The following CARS1 variants were observed in gnomAD, a reference collection of about 807,000 sequenced individuals.
The protein encoded by CARS1 is cysteine--tRNA ligase, cytoplasmic.
CARS1 carries 48 observed loss-of-function variants against 106.2 expected under a neutral mutation model. The observed-to-expected ratio is 0.45, with a 90% confidence interval of 0.36 to 0.57. The LOEUF (loss-of-function observed/expected upper bound fraction) is 0.57. Among genes scored for constraint, CARS1 ranks in the 20% least tolerant of loss-of-function variants. The pLI is 0.00. For missense variants in CARS1, 968 were observed against 1,057.2 expected, an observed-to-expected ratio of 0.92 and a Z score of 1.17; for synonymous variants, 409 against 403.4, an observed-to-expected ratio of 1.01 and a Z score of -0.17.
At position 3,050,598 on chromosome 11, in the gene CARS1, C is replaced by T. The variant is rs1855571742; in HGVS notation, c.26-2597G>A. On this transcript the variant is annotated intron_variant, in intron 1 of 22. Transcript: ENST00000380525. The surrounding 1 kb of genome is among the most constrained non-coding windows in gnomAD (Gnocchi z 6.3). ...GGCCCTGCTGAAAAGCGCACGTTCA[C>T]ATTACTGCCCCCAACACCCACCTCG... 6.6e-6 allele frequency among the ~76,000 whole-genome samples: 1 copy of T among 152,234 alleles called. No individual in the cohort carries two copies. The highest frequency in any genetic ancestry group is 2.4e-5 in the African/African-American group (1 of 41,460).
rs1386487778 is a variant in CARS1 at position 3,044,631 on chromosome 11, G to A, written c.275-2375C>T. ...AGGCTGGTCTCAAACTCCTGACCTTGTGATCTGCCTGCCTTGGCCTCCTAA... is the reference window on the plus strand; with the variant it reads ...AGGCTGGTCTCAAACTCCTGACCTTATGATCTGCCTGCCTTGGCCTCCTAA... On this transcript the variant is annotated intron_variant, in intron 2 of 22. Transcript: ENST00000380525. This position sits in a 1 kb window ranked among gnomAD's most constrained non-coding sequence, Gnocchi z 4.4. Among the ~76,000 whole-genome samples, 2 of 152,170 alleles carry A rather than the reference G, an allele frequency of 1.3e-5. No individual in the cohort carries two copies. The highest frequency in any genetic ancestry group is 2.9e-5 in the Non-Finnish European group (2 of 68,036).
intron 1 of CARS1, among the ~76,000 whole-genome samples, chr11:3,056,077 C>T (rs1390618929): frequency 6.6e-6 from 1 of 152,178 alleles, no homozygotes; most frequent in Non-Finnish European, 1.5e-5. Flanking sequence ...AGGCGGCGTG[C>T]CTGGAAGGTG....
chr11:3,038,259 A>G lies in CARS1; in HGVS notation c.652-60T>C. 1.3e-6 allele frequency: 2 copies of G among 1,488,124 alleles called. No individual in the cohort carries two copies. Among genetic ancestry groups the G allele is most frequent in the East Asian group, 4.5e-5 (2 of 44,004 alleles). The allele number at this position is 1,488,124 out of a possible 1,614,324, so 92.2% of individuals were successfully genotyped here. On this transcript the variant is annotated intron_variant, in intron 6 of 22. Transcript: ENST00000380525. The surrounding 1 kb of genome is among the most constrained non-coding windows in gnomAD (Gnocchi z 4.0). Reference sequence around the variant, plus strand: ...ACTGCTCAGCAAAACCTAAATTCATAAAGGTGATTCCAGGTAGAAAACAGA... The same window carrying G: ...ACTGCTCAGCAAAACCTAAATTCATGAAGGTGATTCCAGGTAGAAAACAGA...
rs142824338 is a variant in CARS1, at chr11:3,018,909, C to G, written c.1396-160G>C. Among the ~76,000 whole-genome samples, 404 of 152,324 alleles carry G rather than the reference C, an allele frequency of 2.7e-3. 4 individuals carry two copies. Among genetic ancestry groups the G allele is most frequent in the African/African-American group, 9.3e-3 (387 of 41,576 alleles). Reference sequence around the variant, plus strand: ...TGGAAGGACAGCCCAGGTTAATAAGCCAGCAGGTAACACAACTGGTTCAAA... The same window carrying G: ...TGGAAGGACAGCCCAGGTTAATAAGGCAGCAGGTAACACAACTGGTTCAAA... On this transcript the variant is annotated intron_variant, in intron 12 of 22. Coordinates refer to ENST00000380525, the MANE Select transcript of CARS1 (RefSeq NM_001014437.3).
At chr11:3,023,846 C>A (rs927620400) in intron 10 of CARS1, among the ~76,000 whole-genome samples, 2 of 152,062 alleles carry the variant, frequency 1.3e-5, no homozygotes, top group African/African-American at 4.8e-5. Flanking sequence ...CTTTCTACTT[C>A]TTCTTGTTCC....
Position 3,029,638 on chromosome 11 carries a change from T to C in CARS1, c.802-195A>G, listed in dbSNP as rs1852505193. ...AGGGACAAATACAAGACTCTACAAA[T>C]GGGCAGGTCTCACATGAACTCAGAG... On this transcript the variant is annotated intron_variant, in intron 7 of 22. Coordinates refer to ENST00000380525, the MANE Select transcript of CARS1 (RefSeq NM_001014437.3). The surrounding 1 kb of genome is among the most constrained non-coding windows in gnomAD (Gnocchi z 5.9). The C allele has an allele frequency of 1.2e-5, 7 of 583,794 alleles. No individual in the cohort carries two copies. Among genetic ancestry groups the C allele is most frequent in the Non-Finnish European group, 1.8e-5 (6 of 334,974 alleles). The allele number at this position is 583,794 out of a possible 1,614,324, so 36.2% of individuals were successfully genotyped here.
Position 3,052,874 on chromosome 11 carries a change from G to A in CARS1, c.25+4469C>T, listed in dbSNP as rs1016766350. On this transcript the variant is annotated intron_variant, in intron 1 of 22. Transcript: ENST00000380525. The surrounding 1 kb of genome is among the most constrained non-coding windows in gnomAD (Gnocchi z 4.6). ...AAAACCTCCCAGGGACCTGTTCCTC[G>A]ACACTGGCCCTCATCGTAGAGCCTG... Among the ~76,000 whole-genome samples, 7 of 152,196 alleles carry A rather than the reference G, an allele frequency of 4.6e-5. No homozygotes were observed. Among genetic ancestry groups the A allele is most frequent in the East Asian group, 3.8e-4 (2 of 5,200 alleles).
In CARS1 at chr11:3,008,733, A is replaced by G. The variant is rs997332606; in HGVS notation, c.2069-1774T>C. ...CCCCAGGCAGAGACCTAGGGGAACA[A>G]TGGCCTTTATATTTGTCTGCAGTAT... On this transcript the variant is annotated intron_variant, in intron 18 of 22. Transcript: ENST00000380525. This position sits in a 1 kb window ranked among gnomAD's most constrained non-coding sequence, Gnocchi z 5.1. 1.3e-5 allele frequency: 2 copies of G among 152,160 alleles called. No homozygotes were observed. Among genetic ancestry groups the G allele is most frequent in the Non-Finnish European group, 2.9e-5 (2 of 68,042 alleles). 9.4% of individuals were successfully genotyped at this position (152,160 alleles called of 1,614,324 possible).
Position 3,044,417 on chromosome 11 carries a change from C to CTTT in CARS1, c.275-2164_275-2162dup, listed in dbSNP as rs548042692. Reference sequence around the variant, plus strand: ...ATATCACATAAGGACCCTTGCCCCCCTTTTTTTTTTTTAGATAAAATCTGG... The same window carrying CTTT: ...ATATCACATAAGGACCCTTGCCCCCCTTTTTTTTTTTTTTTAGATAAAATCTGG... On this transcript the variant is annotated intron_variant, in intron 2 of 22. Coordinates refer to ENST00000380525, the MANE Select transcript of CARS1 (RefSeq NM_001014437.3). The surrounding 1 kb of genome is among the most constrained non-coding windows in gnomAD (Gnocchi z 4.4). 6.8e-6 allele frequency among the ~76,000 whole-genome samples: 1 copy of CTTT among 146,792 alleles called. No homozygotes were observed.
chr11:3,005,489 C>T (rs1358487393), intron 19 of CARS1, 56 bp from the exon 20 acceptor site: 25 of 1,407,122 alleles, frequency 1.8e-5, no homozygotes, highest in Middle Eastern at 1.9e-4. Context: ...GTCCCCACTG[C>T]GGGGCCAGCC....
rs576170803 is a variant in CARS1, at chr11:3,017,558, G to A, written c.1728-263C>T. ...CTCGGGAGGCTGAGGCAGGAGAATC[G>A]CTCGAACCCGGGAGGTGGAGGTTGT... On this transcript the variant is annotated intron_variant, in intron 15 of 22. Transcript: ENST00000380525. This position sits in a 1 kb window ranked among gnomAD's most constrained non-coding sequence, Gnocchi z 4.9. The A allele has an allele frequency of 1.4e-3, 789 of 553,482 alleles. 5 individuals are homozygous for A. Among genetic ancestry groups the A allele is most frequent in the African/African-American group, 0.013 (716 of 53,254 alleles). 34.3% of individuals were successfully genotyped at this position (553,482 alleles called of 1,614,324 possible).
Position 3,047,739 on chromosome 11 carries a change from A to G in CARS1, c.274+14T>C. The G allele has an allele frequency of 1.9e-6, 3 of 1,597,272 alleles. No individual in the cohort carries two copies. The highest frequency in any genetic ancestry group is 2.6e-6 in the Non-Finnish European group (3 of 1,169,086). ...AGAGGTTCTAATGGCCAGGGAACCC[A>G]CTCTGTTACTCACTTGCTTGGAGCC... On this transcript the variant is annotated intron_variant, in intron 2 of 22. Transcript: ENST00000380525.
Position 3,030,104 on chromosome 11 carries a change from G to A in CARS1, c.802-661C>T, listed in dbSNP as rs1393245698. Reference sequence around the variant, plus strand: ...AATGTCTACCCTCCGCCATCTTGGAGGGACCTAGAGTCTCAATGCACTGAC... The same window carrying A: ...AATGTCTACCCTCCGCCATCTTGGAAGGACCTAGAGTCTCAATGCACTGAC... On this transcript the variant is annotated intron_variant, in intron 7 of 22. Coordinates refer to ENST00000380525, the MANE Select transcript of CARS1 (RefSeq NM_001014437.3). The surrounding 1 kb of genome is among the most constrained non-coding windows in gnomAD (Gnocchi z 5.7). 6.6e-6 allele frequency: 1 copy of A among 152,234 alleles called. No homozygotes were observed. The highest frequency in any genetic ancestry group is 1.9e-4 in the East Asian group (1 of 5,166). The allele number at this position is 152,234 out of a possible 1,614,324, so 9.4% of individuals were successfully genotyped here.
chr11:3,014,436 T>C (rs866728239), intron 17 of CARS1, among the ~76,000 whole-genome samples: 1 of 152,242 alleles, frequency 6.6e-6, no homozygotes, highest in South Asian at 2.1e-4. Context: ...CGCAATCAGC[T>C]GACTGCAAAG....
chr11:3,047,909 C>T lies in CARS1; in HGVS notation c.118G>A (p.Gly40Arg), dbSNP rs777296397. The T allele has an allele frequency of 1.9e-6, 3 of 1,614,118 alleles. No homozygotes were observed. In the South Asian group the frequency reaches 3.3e-5, roughly 18 times the overall value. Residue 40 changes from glycine (G) to arginine (R), a missense_variant, in exon 2 of 23, where the codon GGG becomes AGG. Physicochemically the swap from Gly to Arg is moderately radical, Grantham distance 125. Coordinates refer to ENST00000380525, the MANE Select transcript of CARS1 (RefSeq NM_001014437.3). ...ACGTCTGCCTGGGACAGTGAGTACC[C>T]CTGGACATAGCTACGCGTGCTGAGG... ...EHLSTRSYVQ[G>R]YSLSQADVDA...
intron 16 of CARS1, among the ~76,000 whole-genome samples, chr11:3,016,239 G>A (rs1163331059): frequency 2.9e-5 from 3 of 104,212 alleles, no homozygotes; most frequent in Admixed American, 1.0e-4. Context: ...TTTTTTTTTT[G>A]AGATGGAATC....
chr11:3,021,254 C>G lies in CARS1; in HGVS notation c.1154-922G>C, dbSNP rs1236354910. Among the ~76,000 whole-genome samples, 2 of 152,192 alleles carry G rather than the reference C, an allele frequency of 1.3e-5. No homozygotes were observed. Among genetic ancestry groups the G allele is most frequent in the Non-Finnish European group, 2.9e-5 (2 of 68,036 alleles). On this transcript the variant is annotated intron_variant, in intron 10 of 22. Transcript: ENST00000380525. This position sits in a 1 kb window ranked among gnomAD's most constrained non-coding sequence, Gnocchi z 5.3. ...GTCCAAAGGTCACGCAGAGAATCAC[C>G]CTTTGTTCGATGAATGGGCAGAGCA...
intron 10 of CARS1, among the ~76,000 whole-genome samples, chr11:3,025,829 G>A (rs1214666630): frequency 6.6e-6 from 1 of 152,182 alleles, no homozygotes; most frequent in Non-Finnish European, 1.5e-5. Context: ...GGATCCAGAT[G>A]GGCGCACAGG....
intron 22 of CARS1, 24 bp from the exon 23 acceptor site, chr11:3,001,272 T>C (rs774617365): frequency 1.2e-6 from 2 of 1,611,568 alleles, no homozygotes; most frequent in Non-Finnish European, 1.7e-6. Context: ...GCACAGCGGC[T>C]ATTGGTCTCC....
Sources: allele counts gnomAD v4.1 joint callset (sites outside exome capture counted in the v4.1 genomes callset), GRCh38; gene constraint gnomAD v4.1.1; non-coding constraint Gnocchi (gnomAD v3.1); transcripts MANE v1.5; gene names NCBI Gene and HGNC (gene_info 2026-07-23, HGNC 2026-07-21).